The following GYS1 variants were observed in gnomAD, a reference collection of about 807,000 sequenced individuals.
GYS1 encodes glycogen synthase 1, also known as glycogen [starch] synthase, muscle.
In GYS1, 60 loss-of-function variants were observed where a neutral mutation model predicts 89.1. The ratio of observed to expected loss-of-function variants is 0.67; its 90% CI spans 0.55 to 0.84. The LOEUF is 0.84. Among genes scored for constraint, GYS1 ranks in the 40% least tolerant of loss-of-function variants. GYS1 has a pLI of 0.00. For missense variants in GYS1, 888 were observed against 1,003.1 expected (o/e 0.89, Z 1.55); for synonymous variants, 366 against 401.7 (o/e 0.91, Z 1.06).
chr19:48,970,524 G>A, intron 14 of GYS1, 22 bp downstream of exon 14: 1 of 1,609,606 alleles, frequency 6.2e-7, no homozygotes, highest in Non-Finnish European at 8.5e-7. Flanking sequence ...GCCAGGAGAG[G>A]ATAGGAAAGT....
intron 9 of GYS1, 27 bp downstream of exon 9, chr19:48,978,071 G>A: frequency 6.2e-7 from 1 of 1,610,520 alleles, no homozygotes; most frequent in East Asian, 2.2e-5. Context: ...GCCTAGGAGG[G>A]CACAGGGCTG....
At chr19:48,981,881 T>C (rs1013733720) in intron 7 of GYS1, among the ~76,000 whole-genome samples, 1 of 141,196 alleles carries the variant, frequency 7.1e-6, no homozygotes, top group African/African-American at 2.9e-5. Flanking sequence ...TTCTGTAATT[T>C]TTTGTTTTGT....
chr19:48,978,530 T>TTTTTTATTATTATTATTATTATTATTA (rs144353363), intron 8 of GYS1, among the ~76,000 whole-genome samples: 1 of 146,650 alleles, frequency 6.8e-6, no homozygotes, highest in African/African-American at 2.5e-5. Flanking sequence ...CAGCAGTTTA[T>TTTTTTATTATTATTATTATTATTATTA]TTATTATTAT....
chr19:48,969,802 G>T lies in GYS1; in HGVS notation c.1863C>A (p.Phe621Leu). The change falls in exon 15 of 16, where the codon TTC (phenylalanine) becomes TTA (leucine). Residue 621 changes from phenylalanine (F) to leucine (L), a missense_variant. By Grantham distance (22) the Phe-to-Leu change is conservative. Coordinates refer to ENST00000323798, the MANE Select transcript of GYS1 (RefSeq NM_002103.5). ...CATCCGCCTCGTTGGGCTCGTAGGT[G>T]AAGTGCTCTGGAAAGGCCTTGGACA... is the stretch of plus-strand genomic sequence containing the variant. ...MALSKAFPEH[F>L]TYEPNEADAA... 1 of 1,614,030 alleles carries T rather than the reference G, an allele frequency of 6.2e-7. No individual in the cohort carries two copies. The highest frequency in any genetic ancestry group is 8.5e-7 in the Non-Finnish European group (1 of 1,179,970).
chr19:48,990,008 G>GC lies in GYS1; in HGVS notation c.300+1293_300+1294insG, dbSNP rs1555800152. The stretch of plus-strand genomic sequence containing the variant: ...TGTCTGCCCTTTTGCTGGGGGGGGG[G>GC]GGGGGCTATTCTTAGGCCCCCAGCA... On this transcript the variant is annotated intron_variant, in intron 2 of 15. Coordinates refer to ENST00000323798, the MANE Select transcript of GYS1 (RefSeq NM_002103.5). 1.3e-5 allele frequency among the ~76,000 whole-genome samples: 2 copies of GC among 148,870 alleles called. 1 individual carries two copies. The highest frequency in any genetic ancestry group is 3.0e-5 in the Non-Finnish European group (2 of 67,580).
At chr19:48,976,529 C>T (rs2038655065) in intron 10 of GYS1, among the ~76,000 whole-genome samples, 2 of 151,994 alleles carry the variant, frequency 1.3e-5, no homozygotes, top group African/African-American at 4.8e-5. Context: ...GTCTGGGGAC[C>T]AACACACAGC....
chr19:48,984,742 G>T (rs115597742), intron 5 of GYS1, among the ~76,000 whole-genome samples: 1,638 of 151,988 alleles, frequency 0.011, 26 homozygotes, highest in African/African-American at 0.038. Flanking sequence ...TTAGCCAGGC[G>T]TGGTGGCAGG....
Position 48,993,190 on chromosome 19 carries a change from T to C in GYS1, c.-78A>G, listed in dbSNP as rs1159553787. 1 of 848,380 alleles carries C rather than the reference T, an allele frequency of 1.2e-6. No homozygotes were observed. The highest frequency in any genetic ancestry group is 1.3e-5 in the South Asian group (1 of 75,646). The allele number at this position is 848,380 out of a possible 1,614,324, so 52.6% of individuals were successfully genotyped here. A position where few individuals can be genotyped will look rare whatever the true frequency, so the allele number is the denominator to read the frequency against. On this transcript the variant is annotated 5_prime_UTR_variant, in exon 1 of 16. Transcript: ENST00000323798. ...TGTCTAGGGAATGCACCAGGTAGGGTGCGGGGCCGAGTAGCTGGTGCCCGA... is the reference window on the plus strand; with the variant it reads ...TGTCTAGGGAATGCACCAGGTAGGGCGCGGGGCCGAGTAGCTGGTGCCCGA...
intron 5 of GYS1, 49 bp from the exon 6 acceptor site, chr19:48,982,886 A>G (rs756232001): frequency 1.6e-6 from 2 of 1,257,266 alleles, no homozygotes; most frequent in Non-Finnish European, 2.3e-6. Flanking sequence ...ATTCAGATCA[A>G]TGTTGTGGTT....
intron 5 of GYS1, 144 bp from the exon 6 acceptor site, chr19:48,982,981 T>C (rs931721321): frequency 2.9e-6 from 2 of 697,522 alleles, no homozygotes; most frequent in Non-Finnish European, 5.2e-6. Flanking sequence ...CCTCCCACCT[T>C]TTTTGTTTGT....
chr19:48,993,245 A>G lies in GYS1; in HGVS notation c.-133T>C, dbSNP rs757267482. 4 of 754,780 alleles carry G rather than the reference A, an allele frequency of 5.3e-6. No individual in the cohort carries two copies. The allele number at this position is 754,780 out of a possible 1,614,324, so 46.8% of individuals were successfully genotyped here. ...AAGCTTGCAAGACGCTCGGCTTCCT[A>G]TTGCAAGACCGCACCCCTGCCCCGA... On this transcript the variant is annotated 5_prime_UTR_variant, in exon 1 of 16. Coordinates refer to ENST00000323798, the MANE Select transcript of GYS1 (RefSeq NM_002103.5).
In GYS1 at chr19:48,969,585, T is replaced by G; in HGVS notation, c.1917A>C (p.Pro639=). 1 of 1,538,296 alleles carries G rather than the reference T, an allele frequency of 6.5e-7. No homozygotes were observed. Among genetic ancestry groups the G allele is most frequent in the Non-Finnish European group, 8.7e-7 (1 of 1,147,112 alleles). The change falls in exon 16 of 16, where the codon CCA becomes CCC. Residue 639 remains proline (P), a synonymous_variant. Coordinates refer to ENST00000323798, the MANE Select transcript of GYS1 (RefSeq NM_002103.5). ...GCGAGGGCGACGGTGGCACCGAGGC[T>G]GGCCGTGGGTAGCGGTACCCCTGGG... The part of the protein sequence containing the change: ...DAAQGYRYPR[P]ASVPPSPSLS...
chr19:48,981,992 G>A (rs913354759), intron 7 of GYS1, among the ~76,000 whole-genome samples: 1 of 151,994 alleles, frequency 6.6e-6, no homozygotes, highest in African/African-American at 2.4e-5. Flanking sequence ...TCCCGGGCTC[G>A]CGTGATCCTC....
rs575325730 is a variant in GYS1 at position 48,969,876 on chromosome 19, G to C, written c.1810-21C>G. ...TAGTACTAGGGGAAAGGAGGAGAGG[G>C]GGCAGAGGATGTGAGAGCCAGGCCC... On this transcript the variant is annotated intron_variant, in intron 14 of 15. Coordinates refer to ENST00000323798, the MANE Select transcript of GYS1 (RefSeq NM_002103.5). 28 of 1,568,174 alleles carry C rather than the reference G, an allele frequency of 1.8e-5. No homozygotes were observed. In the African/African-American group the frequency reaches 2.2e-4, roughly 12 times the overall value.
At position 48,969,295 on chromosome 19, in the gene GYS1, C is replaced by T. The variant is rs367919986; in HGVS notation, c.2207G>A (p.Arg736His). The T allele has an allele frequency of 4.4e-5, 68 of 1,552,914 alleles. 2 individuals carry two copies. Among genetic ancestry groups the T allele is most frequent in the East Asian group, 1.7e-4 (7 of 41,862 alleles). Residue 736 changes from arginine (R) to histidine (H), a missense_variant, in exon 16 of 16, where the codon CGT becomes CAT. Coordinates refer to ENST00000323798, the MANE Select transcript of GYS1 (RefSeq NM_002103.5). The stretch of plus-strand genomic sequence containing the variant: ...GAGTGTGGTGGGGCGGACTTAGTTA[C>T]GCTCCTCGCCCAGGGAGCTGGTGGG... ...LSPTSSLGEE[R>H]N
intron 5 of GYS1, 151 bp from the exon 6 acceptor site, chr19:48,982,988 T>C: frequency 1.5e-6 from 1 of 678,860 alleles, no homozygotes; most frequent in Non-Finnish European, 2.7e-6. Flanking sequence ...CCTTTTTTGT[T>C]TGTTTGTTTG....
intron 8 of GYS1, 35 bp from the exon 9 acceptor site, chr19:48,978,192 C>G: frequency 6.5e-7 from 1 of 1,545,782 alleles, no homozygotes; most frequent in South Asian, 1.1e-5. Flanking sequence ...CACATACACA[C>G]CAGCTGCCAT....
chr19:48,975,120 CG>C (rs1193977326), intron 10 of GYS1, among the ~76,000 whole-genome samples: 1 of 151,606 alleles, frequency 6.6e-6, no homozygotes, highest in Non-Finnish European at 1.5e-5. Flanking sequence ...TTAGTAGAGA[CG>C]AGGTTTCACT....
chr19:48,987,601 C>T (rs1032302084), intron 2 of GYS1, among the ~76,000 whole-genome samples: 1 of 152,146 alleles, frequency 6.6e-6, no homozygotes, highest in Non-Finnish European at 1.5e-5. Flanking sequence ...TTTTTTCCAT[C>T]TCTGTTGCAA....
Sources: allele counts gnomAD v4.1 joint callset (sites outside exome capture counted in the v4.1 genomes callset), GRCh38; gene constraint gnomAD v4.1.1; transcripts MANE v1.5; gene names NCBI Gene and HGNC (gene_info 2026-07-23, HGNC 2026-07-21).